MACROD2: variants seen among roughly 807,000 people sequenced by gnomAD.
MACROD2 encodes ADP-ribose glycohydrolase MACROD2.
MACROD2 carries 36 observed loss-of-function variants against 70.4 expected under a neutral mutation model. The ratio of observed to expected loss-of-function variants is 0.51; its 90% confidence interval spans 0.39 to 0.68. The LOEUF (loss-of-function observed/expected upper bound fraction) is 0.68, where lower values mean the gene tolerates loss of function less well. MACROD2 is among the 30% of genes least tolerant of loss of function. The pLI is 0.00. For synonymous variants in MACROD2, 172 were observed against 178.8 expected (o/e 0.96, Z 0.30); for missense variants, 496 against 538.4 (o/e 0.92, Z 0.78).
intron 5 of MACROD2, among the ~76,000 whole-genome samples, chr20:15,069,346 G>C (rs1423581475): frequency 6.6e-6 from 1 of 152,158 alleles, no homozygotes; most frequent in Non-Finnish European, 1.5e-5. Flanking sequence ...TGGTAGAAAA[G>C]GAAAAAGCAT....
chr20:15,331,842 G>C (rs6043211), intron 6 of MACROD2, among the ~76,000 whole-genome samples: 17,853 of 151,318 alleles, frequency 0.12, 1,332 homozygotes, highest in Middle Eastern at 0.2. Context: ...AACTTCTCTA[G>C]GGTAATTTTC....
At chr20:13,998,431 T>C (rs1305247595) in intron 1 of MACROD2, among the ~76,000 whole-genome samples, 1 of 152,226 alleles carries the variant, frequency 6.6e-6, no homozygotes, top group Non-Finnish European at 1.5e-5. Flanking sequence ...TATGTACCTT[T>C]TGACATTCAC....
At chr20:15,825,419 T>C in intron 8 of MACROD2, among the ~76,000 whole-genome samples, 1 of 152,096 alleles carries the variant, frequency 6.6e-6, no homozygotes, top group East Asian at 1.9e-4. Context: ...CCAGCTGACT[T>C]ACATTGAGAC....
intron 8 of MACROD2, among the ~76,000 whole-genome samples, chr20:15,629,531 A>T (rs570944574): frequency 1.3e-5 from 2 of 152,360 alleles, no homozygotes; most frequent in South Asian, 4.1e-4. Context: ...CCTTACATTC[A>T]AATAACCTCT....
intron 8 of MACROD2, among the ~76,000 whole-genome samples, chr20:15,597,157 T>C (rs562559593): frequency 6.6e-6 from 1 of 152,350 alleles, no homozygotes; most frequent in African/African-American, 2.4e-5. Flanking sequence ...AATCTCATTC[T>C]TCTCCCACAA....
intron 8 of MACROD2, among the ~76,000 whole-genome samples, chr20:15,734,569 A>T (rs745323412): frequency 6.6e-6 from 1 of 152,206 alleles, no homozygotes; most frequent in South Asian, 2.1e-4. Context: ...TGTGCGAGGT[A>T]TCCACCTAAG....
intron 2 of MACROD2, among the ~76,000 whole-genome samples, chr20:14,049,166 A>G (rs1293149091): frequency 6.5e-4 from 79 of 121,506 alleles, no homozygotes; most frequent in Middle Eastern, 7.9e-3. Flanking sequence ...AACTAAAAAT[A>G]TATTTAATAA....
In MACROD2 at chr20:15,092,924, G is replaced by A. The variant is rs1056389123; in HGVS notation, c.419-137016G>A. Among the ~76,000 whole-genome samples the A allele has an allele frequency of 2.0e-5, 3 of 152,238 alleles. No homozygotes were observed. In the South Asian group the frequency reaches 6.2e-4, roughly 32 times the overall value. The stretch of plus-strand genomic sequence containing the variant: ...AGCAGGAATGTTTTAATGGCATGAG[G>A]CCCTACACACCAAAATGGCATTAGC... On this transcript the variant is annotated intron_variant, in intron 5 of 17. Transcript: ENST00000684519.
chr20:14,945,012 C>G (rs185194929), intron 5 of MACROD2, among the ~76,000 whole-genome samples: 2 of 152,280 alleles, frequency 1.3e-5, no homozygotes, highest in Admixed American at 1.3e-4. Context: ...ATCCAGCCTA[C>G]TAAACCATGA....
chr20:14,971,222 T>C (rs2074688006), intron 5 of MACROD2, among the ~76,000 whole-genome samples: 1 of 152,192 alleles, frequency 6.6e-6, no homozygotes, highest in African/African-American at 2.4e-5. Context: ...ACATGTTCAG[T>C]ACAGACAGAA....
chr20:14,139,710 AAC>A (rs1161942245), intron 3 of MACROD2, among the ~76,000 whole-genome samples: 1 of 152,208 alleles, frequency 6.6e-6, no homozygotes, highest in Non-Finnish European at 1.5e-5. Context: ...AATATTTTGT[AAC>A]AGTTTTCATA....
At chr20:15,061,936 G>A (rs764484809) in intron 5 of MACROD2, among the ~76,000 whole-genome samples, 25 of 152,168 alleles carry the variant, frequency 1.6e-4, no homozygotes, top group Non-Finnish European at 2.5e-4. Flanking sequence ...CACCTCTACA[G>A]GTGGGGAGAC....
chr20:15,777,919 G>A (rs1774163195), intron 8 of MACROD2, among the ~76,000 whole-genome samples: 1 of 152,116 alleles, frequency 6.6e-6, no homozygotes, highest in South Asian at 2.1e-4. Flanking sequence ...CCAAAGTGCT[G>A]GGATTATAGG....
intron 12 of MACROD2, among the ~76,000 whole-genome samples, chr20:15,962,433 A>G (rs2066076415): frequency 6.6e-6 from 1 of 152,180 alleles, no homozygotes; most frequent in African/African-American, 2.4e-5. Flanking sequence ...CTGAATCACA[A>G]CCCTATGACT....
At chr20:15,435,504 C>A (rs1240736008) in intron 7 of MACROD2, among the ~76,000 whole-genome samples, 5 of 152,112 alleles carry the variant, frequency 3.3e-5, no homozygotes, top group African/African-American at 7.2e-5. Flanking sequence ...CCTACCCACT[C>A]TACCCACTCC....
intron 3 of MACROD2, among the ~76,000 whole-genome samples, chr20:14,150,944 A>G (rs2055011479): frequency 6.6e-6 from 1 of 152,210 alleles, no homozygotes; most frequent in African/African-American, 2.4e-5. Context: ...TTTTCAAAAT[A>G]GCAACATAGT....
intron 5 of MACROD2, among the ~76,000 whole-genome samples, chr20:14,727,375 T>A (rs963707739): frequency 6.6e-5 from 10 of 151,366 alleles, no homozygotes; most frequent in Non-Finnish European, 1.0e-4. Context: ...TACAAAAAAA[T>A]AATTTAAAAA....
At chr20:15,149,878 A>G (rs974723169) in intron 5 of MACROD2, among the ~76,000 whole-genome samples, 11 of 152,018 alleles carry the variant, frequency 7.2e-5, no homozygotes, top group African/African-American at 2.7e-4. Context: ...GACAGTCTCT[A>G]AAGCTGTCTT....
chr20:15,133,049 C>T (rs2076118312), intron 5 of MACROD2, among the ~76,000 whole-genome samples: 1 of 151,908 alleles, frequency 6.6e-6, no homozygotes, highest in East Asian at 1.9e-4. Context: ...AAATAAATTC[C>T]AGATGGAAGA....
Sources: allele counts gnomAD v4.1 joint callset (sites outside exome capture counted in the v4.1 genomes callset), GRCh38; gene constraint gnomAD v4.1.1; transcripts MANE v1.5; gene names NCBI Gene and HGNC (gene_info 2026-07-23, HGNC 2026-07-21).